The following PTPRR variants were observed in gnomAD, a reference collection of about 807,000 sequenced individuals.
The protein encoded by PTPRR is receptor-type tyrosine-protein phosphatase R.
PTPRR carries 38 observed loss-of-function variants against 77.2 expected under a neutral mutation model. That is an observed-to-expected ratio of 0.49 (90% CI 0.38 to 0.65). The LOEUF (loss-of-function observed/expected upper bound fraction) is 0.65. PTPRR is among the 30% of genes least tolerant of loss of function. The pLI, the probability that PTPRR is intolerant of heterozygous loss-of-function variation, is 0.00. For synonymous variants in PTPRR, 299 were observed against 283.1 expected (o/e 1.06, Z -0.57); for missense variants, 744 against 799.2 (o/e 0.93, Z 0.83).
chr12:70,791,078 AT>A, intron 2 of PTPRR, among the ~76,000 whole-genome samples: 2 of 152,246 alleles, frequency 1.3e-5, no homozygotes, highest in South Asian at 4.1e-4. Flanking sequence ...TTTATTGTTT[AT>A]TTTCTGCAAA....
rs370624887 is a variant in PTPRR at position 70,861,618 on chromosome 12, C to T, written c.357+31061G>A. Among the ~76,000 whole-genome samples the T allele has an allele frequency of 5.9e-5, 9 of 152,176 alleles. No homozygotes were observed. The East Asian group carries it at 7.7e-4, about 13-fold the overall frequency. On this transcript the variant is annotated intron_variant, in intron 2 of 13. Transcript: ENST00000283228. ...GCCTTATGGAATGACTGGGATTGAT[C>T]GCAGTTGGGGCTGTGTTCTAGGCTG...
At chr12:70,859,269 T>A (rs1892707944) in intron 2 of PTPRR, among the ~76,000 whole-genome samples, 1 of 152,094 alleles carries the variant, frequency 6.6e-6, no homozygotes, top group Non-Finnish European at 1.5e-5. Context: ...GTAGAGTAGC[T>A]TTAAACAATA....
In PTPRR at chr12:70,713,565, C is replaced by CTTTTTT. The variant is rs35168919; in HGVS notation, c.1008-12248_1008-12243dup. On this transcript the variant is annotated intron_variant, in intron 6 of 13. Coordinates refer to ENST00000283228, the MANE Select transcript of PTPRR (RefSeq NM_002849.4). ...CATTCTTGCTAATACTTGCTGCTGCCTTTTTTTTTTTTTAATAATAGCCAT... is the reference window on the plus strand; with the variant it reads ...CATTCTTGCTAATACTTGCTGCTGCCTTTTTTTTTTTTTTTTTTTAATAATAGCCAT... 6.2e-3 allele frequency among the ~76,000 whole-genome samples: 869 copies of CTTTTTT among 140,580 alleles called. 5 individuals are homozygous for CTTTTTT. The highest frequency in any genetic ancestry group is 9.2e-3 in the Admixed American group (128 of 13,976). 92.2% of individuals were successfully genotyped at this position (140,580 alleles called of 152,430 possible).
intron 6 of PTPRR, among the ~76,000 whole-genome samples, chr12:70,715,506 C>T (rs1226889412): frequency 6.6e-6 from 1 of 152,122 alleles, no homozygotes; most frequent in Non-Finnish European, 1.5e-5. Context: ...CCCAATAAGC[C>T]TGGGAGCGCT....
At chr12:70,742,923 G>A (rs1890098323) in intron 6 of PTPRR, among the ~76,000 whole-genome samples, 1 of 152,150 alleles carries the variant, frequency 6.6e-6, no homozygotes, top group South Asian at 2.1e-4. Context: ...GATGAGGAAG[G>A]TCTTGAGTTC....
chr12:70,862,220 A>T (rs1029390141), intron 2 of PTPRR, among the ~76,000 whole-genome samples: 4 of 152,144 alleles, frequency 2.6e-5, no homozygotes, highest in Non-Finnish European at 4.4e-5. Context: ...TCAGCTCTGC[A>T]GCCCTGGATA....
intron 2 of PTPRR, among the ~76,000 whole-genome samples, chr12:70,865,948 G>A (rs185369053): frequency 2.0e-3 from 307 of 152,216 alleles, no homozygotes; most frequent in African/African-American, 7.0e-3. Flanking sequence ...GGTAGATAAC[G>A]AAATGAAGGC....
intron 5 of PTPRR, among the ~76,000 whole-genome samples, chr12:70,747,466 G>A (rs548243757): frequency 2.4e-4 from 36 of 152,126 alleles, no homozygotes; most frequent in Admixed American, 5.9e-4. Context: ...GAGAACATTT[G>A]CTTGCCTGTT....
At chr12:70,714,800 C>A (rs1168274584) in intron 6 of PTPRR, among the ~76,000 whole-genome samples, 2 of 152,030 alleles carry the variant, frequency 1.3e-5, no homozygotes, top group African/African-American at 2.4e-5. Context: ...GCCAAGGGAA[C>A]ATGGCAAAAG....
At chr12:70,847,203 T>C (rs914464659) in intron 2 of PTPRR, among the ~76,000 whole-genome samples, 1 of 152,212 alleles carries the variant, frequency 6.6e-6, no homozygotes, top group Non-Finnish European at 1.5e-5. Flanking sequence ...CAATGGTGCC[T>C]ATATCACAGG....
intron 2 of PTPRR, among the ~76,000 whole-genome samples, chr12:70,868,570 C>A (rs946104144): frequency 1.4e-4 from 22 of 152,036 alleles, no homozygotes; most frequent in African/African-American, 5.1e-4. Flanking sequence ...GAAATGGGAA[C>A]ACTTTTACAC....
rs1406997173 is a variant in PTPRR, at chr12:70,920,710, C to CCAT, written c.-321_-320insATG. Reference sequence around the variant, plus strand: ...GTGGACTCCGCGCCAGCCCAGCAGCCCAGCAGCAGCGCCGCGGCTACTGAG... The same window carrying CCAT: ...GTGGACTCCGCGCCAGCCCAGCAGCCCATCAGCAGCAGCGCCGCGGCTACTGAG... On this transcript the variant is annotated 5_prime_UTR_variant, in exon 1 of 14. In the 5' UTR this introduces an upstream ATG that the reference lacks. Coordinates refer to ENST00000283228, the MANE Select transcript of PTPRR (RefSeq NM_002849.4). 6.2e-6 allele frequency: 2 copies of CCAT among 320,982 alleles called. No homozygotes were observed. Among genetic ancestry groups the CCAT allele is most frequent in the East Asian group, 1.3e-4 (2 of 15,278 alleles). The allele number at this position is 320,982 out of a possible 1,614,324, so 19.9% of individuals were successfully genotyped here.
At chr12:70,674,054 C>T (rs560346447) in intron 10 of PTPRR, among the ~76,000 whole-genome samples, 5 of 152,168 alleles carry the variant, frequency 3.3e-5, no homozygotes, top group Admixed American at 2.0e-4. Context: ...TTGCCTCAGC[C>T]TTCTGAGTAG....
intron 1 of PTPRR, among the ~76,000 whole-genome samples, chr12:70,905,691 T>C (rs997836620): frequency 6.6e-6 from 1 of 151,958 alleles, no homozygotes; most frequent in African/African-American, 2.4e-5. Context: ...TCAAATTCAG[T>C]GTTGGTTATT....
chr12:70,832,406 A>T (rs1892229295), intron 2 of PTPRR, among the ~76,000 whole-genome samples: 1 of 152,152 alleles, frequency 6.6e-6, no homozygotes, highest in Non-Finnish European at 1.5e-5. Context: ...ATGCTATCTT[A>T]ATTTTAAAAT....
chr12:70,767,558 T>C (rs915806909), intron 2 of PTPRR, among the ~76,000 whole-genome samples: 4 of 151,972 alleles, frequency 2.6e-5, no homozygotes, highest in Non-Finnish European at 5.9e-5. Flanking sequence ...TCCTACACAA[T>C]AATAATGGGA....
chr12:70,649,883 T>A (rs1410208069), intron 13 of PTPRR, among the ~76,000 whole-genome samples: 2 of 152,118 alleles, frequency 1.3e-5, no homozygotes, highest in Non-Finnish European at 2.9e-5. Flanking sequence ...CCTTTTCCTC[T>A]TTTTAGGGGT....
At chr12:70,787,434 G>A (rs11178420) in intron 2 of PTPRR, among the ~76,000 whole-genome samples, 3,715 of 152,200 alleles carry the variant, frequency 0.024, 106 homozygotes, top group African/African-American at 0.065. Flanking sequence ...GTAGGGCAAG[G>A]TATTTTAGTG....
At chr12:70,825,908 G>A (rs2470371) in intron 2 of PTPRR, among the ~76,000 whole-genome samples, 139,803 of 152,344 alleles carry the variant, frequency 0.92, 64,273 homozygotes, top group East Asian at 1. Flanking sequence ...CAATCCTGCT[G>A]TTTTTGGGCT....
Sources: allele counts gnomAD v4.1 joint callset (sites outside exome capture counted in the v4.1 genomes callset), GRCh38; gene constraint gnomAD v4.1.1; transcripts MANE v1.5; gene names NCBI Gene and HGNC (gene_info 2026-07-23, HGNC 2026-07-21).